The following RIMS1 variants were observed in gnomAD, a reference collection of about 807,000 sequenced individuals.
RIMS1 encodes the protein regulating synaptic membrane exocytosis 1.
A neutral mutation model predicts 214.1 loss-of-function variants in RIMS1; 83 were observed. The observed-to-expected ratio is 0.39, with a 90% CI of 0.32 to 0.47. RIMS1 has a LOEUF of 0.47. RIMS1 is among the 20% of genes least tolerant of loss of function. The pLI, the probability that RIMS1 is intolerant of heterozygous loss-of-function variation, is 0.99. For missense variants in RIMS1, 2,050 were observed against 2,161.8 expected, an observed-to-expected ratio of 0.95 and a Z score of 1.03; for synonymous variants, 793 against 786.8, an observed-to-expected ratio of 1.01 and a Z score of -0.13.
chr6:72,006,453 A>T (rs936576980), intron 2 of RIMS1, among the ~76,000 whole-genome samples: 2 of 152,152 alleles, frequency 1.3e-5, no homozygotes, highest in African/African-American at 2.4e-5. Flanking sequence ...TACTGGGTTC[A>T]TCTACTGGGG....
chr6:72,354,214 C>T (rs545487272), intron 29 of RIMS1, among the ~76,000 whole-genome samples: 1 of 151,934 alleles, frequency 6.6e-6, no homozygotes, highest in South Asian at 2.1e-4. Flanking sequence ...AGTGAGACTC[C>T]GTCTCAATAA....
intron 11 of RIMS1, among the ~76,000 whole-genome samples, chr6:72,247,535 C>CAA (rs10717559): frequency 0.013 from 1,310 of 103,902 alleles, 14 homozygotes; most frequent in South Asian, 0.033. Flanking sequence ...AACTCTGTCT[C>CAA]AAAAAAAAAA....
chr6:71,983,274 G>A (rs1172624221), intron 2 of RIMS1, among the ~76,000 whole-genome samples: 1 of 151,846 alleles, frequency 6.6e-6, no homozygotes, highest in African/African-American at 2.4e-5. Context: ...GTAAAAAAGG[G>A]TCAATAGGTT....
intron 4 of RIMS1, among the ~76,000 whole-genome samples, chr6:72,121,247 T>C (rs1301839624): frequency 6.6e-6 from 1 of 151,918 alleles, no homozygotes; most frequent in Non-Finnish European, 1.5e-5. Context: ...TTGGGCAGTA[T>C]GGCCATTCTC....
chr6:72,383,401 T>C lies in RIMS1; in HGVS notation c.4367-7197T>C, dbSNP rs183254509. On this transcript the variant is annotated intron_variant, in intron 29 of 33. Coordinates refer to ENST00000521978, the MANE Select transcript of RIMS1 (RefSeq NM_014989.7). ...GACTAAAGGACAAAATGAACAAGTA[T>C]AATATACTAACCACAACAATTTTTT... Among the ~76,000 whole-genome samples the C allele has an allele frequency of 4.1e-4, 62 of 151,966 alleles. 1 individual carries two copies. The highest frequency in any genetic ancestry group is 1.4e-3 in the African/African-American group (60 of 41,464).
chr6:71,924,994 G>A (rs1428750322), intron 1 of RIMS1, among the ~76,000 whole-genome samples: 3 of 152,084 alleles, frequency 2.0e-5, no homozygotes, highest in Non-Finnish European at 2.9e-5. Context: ...TGCTGTCTTG[G>A]CATGTGAATT....
chr6:72,036,572 T>C (rs6923609), intron 2 of RIMS1, among the ~76,000 whole-genome samples: 1,972 of 152,300 alleles, frequency 0.013, 38 homozygotes, highest in African/African-American at 0.045. Flanking sequence ...AGTCTGAGTC[T>C]AAAATAAATC....
chr6:72,214,186 G>A (rs1311719534), intron 6 of RIMS1, among the ~76,000 whole-genome samples: 2 of 152,060 alleles, frequency 1.3e-5, no homozygotes, highest in Non-Finnish European at 2.9e-5. Context: ...CTTTGATTCT[G>A]TAATTTTGAA....
At chr6:72,320,176 T>A (rs565099019) in intron 28 of RIMS1, among the ~76,000 whole-genome samples, 2 of 152,238 alleles carry the variant, frequency 1.3e-5, no homozygotes, top group African/African-American at 4.8e-5. Flanking sequence ...TTTATTCGAG[T>A]GTTTTTCAAA....
intron 26 of RIMS1, among the ~76,000 whole-genome samples, chr6:72,298,068 A>G (rs1330571109): frequency 1.3e-5 from 2 of 151,986 alleles, no homozygotes; most frequent in East Asian, 1.9e-4. Flanking sequence ...CCAGTTTGTC[A>G]GGGACTGAGG....
At chr6:72,217,657 A>G (rs2243864) in intron 6 of RIMS1, among the ~76,000 whole-genome samples, 72,614 of 152,088 alleles carry the variant, frequency 0.48, 19,456 homozygotes, top group East Asian at 0.83. Flanking sequence ...TTAAGTATAT[A>G]TAGATTGTTC....
intron 2 of RIMS1, among the ~76,000 whole-genome samples, chr6:71,994,995 T>C (rs771595620): frequency 6.6e-6 from 1 of 152,188 alleles, no homozygotes; most frequent in African/African-American, 2.4e-5. Flanking sequence ...AAGAAATAGA[T>C]GTTCTGAATT....
chr6:72,395,285 G>T (rs1336628498), intron 31 of RIMS1, among the ~76,000 whole-genome samples: 1 of 151,990 alleles, frequency 6.6e-6, no homozygotes, highest in Non-Finnish European at 1.5e-5. Context: ...CTGAGAGATT[G>T]AAAGAGCACA....
intron 4 of RIMS1, among the ~76,000 whole-genome samples, chr6:72,138,778 A>G (rs1197949609): frequency 6.6e-6 from 1 of 152,216 alleles, no homozygotes; most frequent in African/African-American, 2.4e-5. Flanking sequence ...TATCAGATTG[A>G]CAAAAATTCA....
In RIMS1 at chr6:72,096,954, T is replaced by C; in HGVS notation, c.251T>C (p.Leu84Ser). 6.2e-7 allele frequency: 1 copy of C among 1,612,944 alleles called. No homozygotes were observed. Among genetic ancestry groups the C allele is most frequent in the Non-Finnish European group, 8.5e-7 (1 of 1,179,270 alleles). ...CCATTTTCTCTTTTGCCTAGGAGAT[T>C]GCATCAACAGTTTGAAAGCTATAAG... ...ENQPHQPSPR[L>S]HQQFESYKEQ... The change falls in exon 3 of 34, where the codon TTG becomes TCG. Residue 84 changes from leucine to serine, a missense_variant. Physicochemically the swap from Leu to Ser is moderately radical, Grantham distance 145. Around this residue, in one of 6 missense-constraint regions of RIMS1, gnomAD observed 882 missense variants for 828.9 expected, o/e 1.06. Coordinates refer to ENST00000521978, the MANE Select transcript of RIMS1 (RefSeq NM_014989.7).
At chr6:72,266,279 G>A in intron 22 of RIMS1, 1 of 542,156 alleles carries the variant, frequency 1.8e-6, no homozygotes, top group South Asian at 2.1e-5. Context: ...CAAATGGCGT[G>A]GTGTAATTTG....
intron 4 of RIMS1, among the ~76,000 whole-genome samples, chr6:72,144,854 A>G (rs1326460450): frequency 1.3e-5 from 2 of 152,008 alleles, no homozygotes; most frequent in Non-Finnish European, 2.9e-5. Context: ...ATGTAATGAC[A>G]AGTGTATGAT....
At chr6:71,965,923 TATC>T (rs1300851779) in intron 1 of RIMS1, among the ~76,000 whole-genome samples, 2 of 152,150 alleles carry the variant, frequency 1.3e-5, no homozygotes, top group Non-Finnish European at 2.9e-5. Context: ...CATACTGAAA[TATC>T]ATTGTTGTGT....
chr6:72,001,946 A>C (rs1237094459), intron 2 of RIMS1, among the ~76,000 whole-genome samples: 1 of 152,192 alleles, frequency 6.6e-6, no homozygotes, highest in East Asian at 1.9e-4. Context: ...AGAGCTTAAA[A>C]TGTTCATTTT....
Sources: allele counts gnomAD v4.1 joint callset (sites outside exome capture counted in the v4.1 genomes callset), GRCh38; gene constraint gnomAD v4.1.1; regional missense constraint gnomAD v4.1.1; transcripts MANE v1.5; gene names NCBI Gene and HGNC (gene_info 2026-07-23, HGNC 2026-07-21).